The following CDH9 variants were observed in gnomAD, a reference collection of about 807,000 sequenced individuals.
CDH9 encodes the protein cadherin-9.
CDH9 carries 28 observed loss-of-function variants against 70.9 expected under a neutral mutation model. That is an observed-to-expected ratio of 0.40 (90% confidence interval 0.29 to 0.54). The LOEUF is 0.54. Ranked by LOEUF, CDH9 falls within the 20% of genes least tolerant of loss-of-function variation. The pLI, the probability that CDH9 is intolerant of heterozygous loss-of-function variation, is 0.59. For synonymous variants in CDH9, 409 were observed against 343.1 expected (o/e 1.19, Z -2.12); for missense variants, 874 against 984.4 (o/e 0.89, Z 1.50).
At chr5:27,036,877 A>G (rs969507902) in intron 1 of CDH9, among the ~76,000 whole-genome samples, 4 of 151,982 alleles carry the variant, frequency 2.6e-5, no homozygotes, top group Admixed American at 1.3e-4. Flanking sequence ...GACTACAAAC[A>G]CATGCTATTT....
intron 1 of CDH9, among the ~76,000 whole-genome samples, chr5:27,024,297 T>C (rs1415415050): frequency 3.3e-5 from 5 of 152,070 alleles, no homozygotes; most frequent in Non-Finnish European, 7.4e-5. Flanking sequence ...ATTTTTTCAA[T>C]ATGTTCTTAT....
intron 2 of CDH9, among the ~76,000 whole-genome samples, chr5:26,922,576 C>CT (rs1397000889): frequency 2.0e-5 from 3 of 151,780 alleles, no homozygotes; most frequent in African/African-American, 7.3e-5. Flanking sequence ...CAGACCTGAC[C>CT]TACAAGAAAT....
intron 7 of CDH9, among the ~76,000 whole-genome samples, chr5:26,897,693 C>A (rs1740777966): frequency 1.3e-5 from 2 of 152,108 alleles, no homozygotes; most frequent in Non-Finnish European, 2.9e-5. Flanking sequence ...TTATTTATGA[C>A]AAACCCACAG....
intron 2 of CDH9, among the ~76,000 whole-genome samples, chr5:26,934,006 A>G (rs958026389): frequency 6.6e-6 from 1 of 152,122 alleles, no homozygotes; most frequent in Non-Finnish European, 1.5e-5. Context: ...TTCAGGTTGT[A>G]TAAGAAGCAT....
At chr5:27,010,499 C>T (rs1055937414) in intron 1 of CDH9, among the ~76,000 whole-genome samples, 5 of 152,236 alleles carry the variant, frequency 3.3e-5, no homozygotes, top group African/African-American at 9.6e-5. Flanking sequence ...ACTTTCTAAA[C>T]TTATCCCTTT....
intron 1 of CDH9, among the ~76,000 whole-genome samples, chr5:27,032,868 C>T (rs1375162398): frequency 6.6e-6 from 1 of 151,106 alleles, no homozygotes; most frequent in Non-Finnish European, 1.5e-5. Context: ...AATATATTTG[C>T]TTTGTATTAT....
chr5:27,017,522 G>A (rs1268083656), intron 1 of CDH9, among the ~76,000 whole-genome samples: 1 of 151,966 alleles, frequency 6.6e-6, no homozygotes, highest in Non-Finnish European at 1.5e-5. Context: ...ATTTAAGTAG[G>A]TGAAAAGCCT....
chr5:26,911,882 G>T (rs1741060566), intron 3 of CDH9, among the ~76,000 whole-genome samples: 1 of 152,044 alleles, frequency 6.6e-6, no homozygotes, highest in Non-Finnish European at 1.5e-5. Flanking sequence ...AATCCAATGT[G>T]AAATATGGCA....
chr5:27,017,199 A>T (rs1376710001), intron 1 of CDH9, among the ~76,000 whole-genome samples: 2 of 151,962 alleles, frequency 1.3e-5, no homozygotes, highest in African/African-American at 4.8e-5. Context: ...CTCTTCAGGT[A>T]CATTGAGAAT....
intron 2 of CDH9, among the ~76,000 whole-genome samples, chr5:26,974,709 G>T (rs748657864): frequency 6.6e-6 from 1 of 152,068 alleles, no homozygotes; most frequent in Non-Finnish European, 1.5e-5. Context: ...AATACAAAAT[G>T]TATCTACTTA....
At chr5:27,018,146 T>C (rs1208276065) in intron 1 of CDH9, among the ~76,000 whole-genome samples, 1 of 151,880 alleles carries the variant, frequency 6.6e-6, no homozygotes, top group Non-Finnish European at 1.5e-5. Flanking sequence ...TGGATTGACT[T>C]CTATATTACA....
intron 9 of CDH9, among the ~76,000 whole-genome samples, chr5:26,889,632 A>G (rs1386359956): frequency 2.0e-5 from 3 of 151,952 alleles, no homozygotes; most frequent in Non-Finnish European, 4.4e-5. Context: ...AATATTCCCT[A>G]CTATATTATT....
At chr5:26,929,632 C>CTCA (rs1741405240) in intron 2 of CDH9, among the ~76,000 whole-genome samples, 1 of 151,986 alleles carries the variant, frequency 6.6e-6, no homozygotes, top group Admixed American at 6.6e-5. Context: ...AAATGAGGTA[C>CTCA]ATGTACACAA....
intron 2 of CDH9, among the ~76,000 whole-genome samples, chr5:26,940,232 G>A (rs190192633): frequency 6.6e-6 from 1 of 151,962 alleles, no homozygotes; most frequent in African/African-American, 2.4e-5. Context: ...GTATAGGATG[G>A]ATGGCATAAT....
At chr5:27,001,085 C>A (rs1742759351) in intron 1 of CDH9, among the ~76,000 whole-genome samples, 1 of 151,878 alleles carries the variant, frequency 6.6e-6, no homozygotes, top group South Asian at 2.1e-4. Context: ...TATATAAAGG[C>A]TTATTATGAA....
intron 1 of CDH9, among the ~76,000 whole-genome samples, chr5:27,003,809 A>C (rs1343228231): frequency 6.6e-6 from 1 of 152,076 alleles, no homozygotes; most frequent in Non-Finnish European, 1.5e-5. Flanking sequence ...ATCTTAGAAG[A>C]AAAAACATAG....
chr5:27,026,637 A>G (rs1053524517), intron 1 of CDH9, among the ~76,000 whole-genome samples: 9 of 152,038 alleles, frequency 5.9e-5, no homozygotes, highest in Admixed American at 2.0e-4. Context: ...AGCACCCAGA[A>G]AAATGTATGA....
intron 2 of CDH9, among the ~76,000 whole-genome samples, chr5:26,927,444 A>C (rs745932023): frequency 4.6e-5 from 7 of 152,000 alleles, no homozygotes; most frequent in Non-Finnish European, 1.5e-5. Context: ...TGCCATTATA[A>C]TTAGGATAGC....
intron 1 of CDH9, among the ~76,000 whole-genome samples, chr5:26,990,963 G>C (rs1742570526): frequency 6.6e-6 from 1 of 152,136 alleles, no homozygotes; most frequent in Non-Finnish European, 1.5e-5. Context: ...ATAGACTTAG[G>C]CAGGGGCTAG....
Sources: allele counts gnomAD v4.1 joint callset (sites outside exome capture counted in the v4.1 genomes callset), GRCh38; gene constraint gnomAD v4.1.1; transcripts MANE v1.5; gene names NCBI Gene and HGNC (gene_info 2026-07-23, HGNC 2026-07-21).